The following FER variants were observed in gnomAD, a reference collection of about 807,000 sequenced individuals.
The protein encoded by FER is FER tyrosine kinase, also known as tyrosine-protein kinase Fer.
Under a neutral mutation model 111.0 loss-of-function variants are expected in FER, and 63 were observed. That is an observed-to-expected ratio of 0.57 (90% CI 0.46 to 0.70). The LOEUF (loss-of-function observed/expected upper bound fraction) is 0.70, where lower values mean the gene tolerates loss of function less well. Ranked by LOEUF, FER falls within the 30% of genes least tolerant of loss-of-function variation. FER has a pLI of 0.00. For missense variants in FER, 914 were observed against 954.0 expected (o/e 0.96, Z 0.55); for synonymous variants, 327 against 313.9 (o/e 1.04, Z -0.44).
At position 109,025,720 on chromosome 5, in the gene FER, T is replaced by C. The variant is rs558611949; in HGVS notation, c.1657-11702T>C. On this transcript the variant is annotated intron_variant, in intron 13 of 19. Transcript: ENST00000281092. ...TGCCAGTTTTCAAAGGGAATGCTTC[T>C]AGTTTTTGCCCATTCAGTATGATAT... Among the ~76,000 whole-genome samples, 175 of 151,540 alleles carry C rather than the reference T, an allele frequency of 1.2e-3. 2 individuals carry two copies. Among genetic ancestry groups the C allele is most frequent in the African/African-American group, 3.9e-3 (160 of 41,300 alleles).
chr5:108,963,083 A>G (rs1759344017), intron 13 of FER, among the ~76,000 whole-genome samples: 1 of 152,216 alleles, frequency 6.6e-6, no homozygotes, highest in African/African-American at 2.4e-5. Flanking sequence ...TGGGTAGGGA[A>G]AGCTAGGATT....
At chr5:109,042,578 A>T (rs1037006598) in intron 14 of FER, among the ~76,000 whole-genome samples, 2 of 152,166 alleles carry the variant, frequency 1.3e-5, no homozygotes, top group African/African-American at 4.8e-5. Context: ...ATTAATGTTT[A>T]AATTTTTCAA....
intron 13 of FER, among the ~76,000 whole-genome samples, chr5:108,964,306 CAAAG>C (rs1759520668): frequency 6.6e-6 from 1 of 151,990 alleles, no homozygotes; most frequent in African/African-American, 2.4e-5. Flanking sequence ...TAAATATTAT[CAAAG>C]AAAGCCTCCT....
Position 108,798,105 on chromosome 5 carries a change from C to A in FER, c.-59-19C>A. ...TTCCTTTTTATTTAAGAGTTTTTCTCTTTTGTTTACATACACAGATATGTG... is the reference window on the plus strand; with the variant it reads ...TTCCTTTTTATTTAAGAGTTTTTCTATTTTGTTTACATACACAGATATGTG... On this transcript the variant is annotated intron_variant, in intron 2 of 19. Transcript: ENST00000281092. 2 of 880,594 alleles carry A rather than the reference C, an allele frequency of 2.3e-6. No individual in the cohort carries two copies. Among genetic ancestry groups the A allele is most frequent in the Non-Finnish European group, 3.2e-6 (2 of 622,926 alleles). The allele number at this position is 880,594 out of a possible 1,614,324, so 54.5% of individuals were successfully genotyped here. A position where few individuals can be genotyped will look rare whatever the true frequency, so the allele number is the denominator to read the frequency against.
chr5:109,027,483 A>C (rs1768920422), intron 13 of FER, among the ~76,000 whole-genome samples: 1 of 152,180 alleles, frequency 6.6e-6, no homozygotes, highest in South Asian at 2.1e-4. Context: ...TTTGGTGGGC[A>C]TTCTTCTTGG....
At chr5:108,869,994 T>C (rs1187830184) in intron 6 of FER, among the ~76,000 whole-genome samples, 4 of 152,128 alleles carry the variant, frequency 2.6e-5, no homozygotes, top group African/African-American at 9.7e-5. Context: ...ATTCATAGAT[T>C]TACTTATCTC....
chr5:108,764,236 T>G (rs1046013020), intron 1 of FER, among the ~76,000 whole-genome samples: 8 of 151,962 alleles, frequency 5.3e-5, no homozygotes, highest in Non-Finnish European at 1.2e-4. Flanking sequence ...ACAACACAGG[T>G]CTATTACTTA....
intron 16 of FER, among the ~76,000 whole-genome samples, chr5:109,050,087 C>T (rs878897943): frequency 6.6e-6 from 1 of 152,208 alleles, no homozygotes; most frequent in Admixed American, 6.5e-5. Context: ...AAGTCTCTCA[C>T]ATTAATGACT....
At chr5:109,160,052 T>G (rs1582315300) in intron 17 of FER, among the ~76,000 whole-genome samples, 1 of 152,230 alleles carries the variant, frequency 6.6e-6, no homozygotes, top group African/African-American at 2.4e-5. Flanking sequence ...GATATCTTTT[T>G]GTCTCAAATC....
intron 16 of FER, among the ~76,000 whole-genome samples, chr5:109,060,607 C>T (rs990183355): frequency 6.6e-6 from 1 of 151,882 alleles, no homozygotes; most frequent in Non-Finnish European, 1.5e-5. Context: ...TTGCTTGAAC[C>T]CGGGAGGCGG....
Position 108,780,892 on chromosome 5 carries a change from C to G in FER, c.-60+12654C>G, listed in dbSNP as rs77944444. 4.4e-4 allele frequency among the ~76,000 whole-genome samples: 66 copies of G among 149,758 alleles called. 2 individuals are homozygous for G. The East Asian group carries it at 0.011, about 26-fold the overall frequency. ...TCTATTGGGATATCCCTTAGATATT[C>G]TTTCCTCAGCTGTGTCCAGTCTACT... On this transcript the variant is annotated intron_variant, in intron 2 of 19. Coordinates refer to ENST00000281092, the MANE Select transcript of FER (RefSeq NM_005246.4).
rs530900796 is a variant in FER at position 109,055,913 on chromosome 5, G to A, written c.1924+8715G>A. ...AACAAAGAACTGTTTTTAAAAATGG[G>A]CAAAGGCCTAAATAGACGTTTCTCC... On this transcript the variant is annotated intron_variant, in intron 16 of 19. Transcript: ENST00000281092. Among the ~76,000 whole-genome samples the A allele has an allele frequency of 2.7e-5, 4 of 150,134 alleles. No individual in the cohort carries two copies. In the South Asian group the frequency reaches 8.4e-4, roughly 32 times the overall value.
intron 2 of FER, among the ~76,000 whole-genome samples, chr5:108,786,123 T>G (rs1170853365): frequency 6.6e-6 from 1 of 152,162 alleles, no homozygotes; most frequent in South Asian, 2.1e-4. Context: ...GCCCTGAGAT[T>G]TACTCACTTT....
At chr5:109,030,160 T>A (rs1769395894) in intron 13 of FER, among the ~76,000 whole-genome samples, 2 of 152,206 alleles carry the variant, frequency 1.3e-5, no homozygotes, top group Non-Finnish European at 1.5e-5. Flanking sequence ...TACTTTTTAT[T>A]TGGTTCTTTT....
intron 17 of FER, among the ~76,000 whole-genome samples, chr5:109,100,838 A>G (rs933789511): frequency 6.6e-6 from 1 of 150,522 alleles, no homozygotes; most frequent in Admixed American, 6.6e-5. Flanking sequence ...ATAATCAGAT[A>G]AGATTGTTTC....
chr5:109,089,026 A>G (rs3797847), intron 16 of FER, among the ~76,000 whole-genome samples: 5,244 of 152,278 alleles, frequency 0.034, 151 homozygotes, highest in South Asian at 0.085. Context: ...TCAAATGTGT[A>G]TAATATAATC....
At chr5:108,971,403 C>T (rs1227559566) in intron 13 of FER, among the ~76,000 whole-genome samples, 4 of 151,938 alleles carry the variant, frequency 2.6e-5, no homozygotes, top group Non-Finnish European at 5.9e-5. Context: ...TGTATAATTT[C>T]CTTGTTGAGC....
Position 109,038,747 on chromosome 5 carries a change from A to G in FER, c.1713+1269A>G, listed in dbSNP as rs73213513. 8.2e-3 allele frequency among the ~76,000 whole-genome samples: 1,254 copies of G among 152,154 alleles called. 17 individuals are homozygous for G. The highest frequency in any genetic ancestry group is 0.029 in the African/African-American group (1,191 of 41,558). ...AAAAATATTACAAAGATTAATTTCC[A>G]TGATACAATTAAATAATAAATTATA... On this transcript the variant is annotated intron_variant, in intron 14 of 19. Transcript: ENST00000281092.
chr5:108,852,465 T>G lies in FER; in HGVS notation c.482-15302T>G, dbSNP rs952851188. 6.6e-5 allele frequency among the ~76,000 whole-genome samples: 10 copies of G among 152,302 alleles called. No individual in the cohort carries two copies. In the South Asian group the frequency reaches 1.9e-3, roughly 28 times the overall value. On this transcript the variant is annotated intron_variant, in intron 5 of 19. Transcript: ENST00000281092. Reference sequence around the variant, plus strand: ...ATTTGAGGTCACCAAGAATGGCAACTAGCCTTCTTATTCAATATCTGTATA... The same window carrying G: ...ATTTGAGGTCACCAAGAATGGCAACGAGCCTTCTTATTCAATATCTGTATA...
Sources: allele counts gnomAD v4.1 joint callset (sites outside exome capture counted in the v4.1 genomes callset), GRCh38; gene constraint gnomAD v4.1.1; transcripts MANE v1.5; gene names NCBI Gene and HGNC (gene_info 2026-07-23, HGNC 2026-07-21).